LINGO1: variants seen among roughly 807,000 people sequenced by gnomAD.
LINGO1 encodes leucine rich repeat and Ig domain containing 1.
Under a neutral mutation model 37.3 loss-of-function variants are expected in LINGO1, and 11 were observed. The observed-to-expected ratio is 0.29, with a 90% CI of 0.19 to 0.49. The LOEUF is 0.49. Ranked by LOEUF, LINGO1 falls within the 20% of genes least tolerant of loss-of-function variation. The pLI is 0.99. For missense variants in LINGO1, 585 were observed against 878.2 expected (o/e 0.67, Z 4.22); for synonymous variants, 387 against 403.0 (o/e 0.96, Z 0.48).
rs59248409 is a variant in LINGO1, at chr15:77,749,898, G to A, written c.-256-14845C>T. Among the ~76,000 whole-genome samples the A allele has an allele frequency of 8.4e-3, 1,280 of 152,244 alleles. 22 individuals carry two copies. The highest frequency in any genetic ancestry group is 0.03 in the African/African-American group (1,231 of 41,522). On this transcript the variant is annotated intron_variant, in intron 1 of 3. Coordinates refer to the LINGO1 transcript ENST00000561686. ...CGGAACCGGACTTTCTGGACAAGCTGCCATGGGGCAGGCCGGCTCTCTCCA... is the reference window on the plus strand; with the variant it reads ...CGGAACCGGACTTTCTGGACAAGCTACCATGGGGCAGGCCGGCTCTCTCCA...
chr15:77,781,580 C>T (rs1023418750), intron 1 of LINGO1, among the ~76,000 whole-genome samples: 3 of 152,188 alleles, frequency 2.0e-5, no homozygotes, highest in African/African-American at 7.2e-5. Context: ...GTGGGAGGCC[C>T]CCCAGTCGCT....
chr15:77,660,685 C>G (rs1596064782), intron 3 of LINGO1, among the ~76,000 whole-genome samples: 1 of 152,346 alleles, frequency 6.6e-6, no homozygotes, highest in East Asian at 1.9e-4. Context: ...GGACTTCATA[C>G]ATGCACAGTG....
intron 2 of LINGO1, among the ~76,000 whole-genome samples, chr15:77,686,128 A>G (rs2075506405): frequency 6.6e-6 from 1 of 152,136 alleles, no homozygotes; most frequent in Non-Finnish European, 1.5e-5. Flanking sequence ...AAGGAGGCAG[A>G]AGATCCTCCT....
chr15:77,698,995 G>C (rs922065164), upstream of LINGO1, among the ~76,000 whole-genome samples: 36 of 152,112 alleles, frequency 2.4e-4, no homozygotes, highest in African/African-American at 8.2e-4. Context: ...AGAGAAGGAA[G>C]ACCTTCCTCA....
intron 1 of LINGO1, among the ~76,000 whole-genome samples, chr15:77,628,813 C>A (rs921196532): frequency 6.6e-6 from 1 of 152,192 alleles, no homozygotes; most frequent in Non-Finnish European, 1.5e-5. Flanking sequence ...GACTGAACCG[C>A]AGGCTTGCAA....
rs539859264 is a variant in LINGO1 at position 77,619,062 on chromosome 15, G to A, written c.7-3162C>T. Among the ~76,000 whole-genome samples, 45 of 152,336 alleles carry A rather than the reference G, an allele frequency of 3.0e-4. No homozygotes were observed. The South Asian group carries it at 3.7e-3, about 13-fold the overall frequency. ...ATGCCACCAAGTCCTGCCTAATGAC[G>A]AAAGGTGAGAGCTTCCTAGTGACCT... On this transcript the variant is annotated intron_variant, in intron 1 of 1. Transcript: ENST00000355300.
intron 2 of LINGO1, among the ~76,000 whole-genome samples, chr15:77,716,736 C>G (rs1313842229): frequency 6.7e-6 from 1 of 150,262 alleles, no homozygotes; most frequent in Non-Finnish European, 1.5e-5. Flanking sequence ...CCTCCACTAC[C>G]AAGTCTGTCC....
chr15:77,758,413 T>C (rs1420346974), intron 1 of LINGO1, among the ~76,000 whole-genome samples: 1 of 152,052 alleles, frequency 6.6e-6, no homozygotes, highest in Non-Finnish European at 1.5e-5. Flanking sequence ...TCACTTGACC[T>C]TTCTTGGGTA....
At chr15:77,770,316 G>A (rs921830084) in intron 1 of LINGO1, among the ~76,000 whole-genome samples, 1 of 152,142 alleles carries the variant, frequency 6.6e-6, no homozygotes, top group African/African-American at 2.4e-5. Flanking sequence ...GGCTGGGCGC[G>A]GTGGCTCAAG....
chr15:77,780,515 C>T (rs184379772), intron 1 of LINGO1, among the ~76,000 whole-genome samples: 236 of 151,634 alleles, frequency 1.6e-3, no homozygotes, highest in African/African-American at 5.5e-3. Flanking sequence ...GGAGACCTTG[C>T]GGAACATTAA....
chr15:77,625,663 T>C (rs2074066045), intron 1 of LINGO1, among the ~76,000 whole-genome samples: 1 of 152,190 alleles, frequency 6.6e-6, no homozygotes, highest in African/African-American at 2.4e-5. Flanking sequence ...CAAGAGGTGA[T>C]GCACCTTGCC....
At chr15:77,800,566 G>A (rs560210682) in intron 1 of LINGO1, among the ~76,000 whole-genome samples, 1 of 152,316 alleles carries the variant, frequency 6.6e-6, no homozygotes, top group East Asian at 1.9e-4. Flanking sequence ...ACACACAGCT[G>A]GGAAGGAGCC....
chr15:77,669,552 G>A (rs189434560), intron 3 of LINGO1, among the ~76,000 whole-genome samples: 79 of 152,302 alleles, frequency 5.2e-4, no homozygotes, highest in African/African-American at 1.7e-3. Context: ...CACTCCTTTT[G>A]TCCTAGAAAA....
At chr15:77,697,947 C>G (rs1452256102), upstream of LINGO1, among the ~76,000 whole-genome samples, 1 of 152,178 alleles carries the variant, frequency 6.6e-6, no homozygotes, top group Non-Finnish European at 1.5e-5. Flanking sequence ...GGATGGAGCT[C>G]TCATCCTAGG....
In LINGO1 at chr15:77,803,991, G is replaced by A. The variant is rs563795362; in HGVS notation, c.-457-7938C>T. Reference sequence around the variant, plus strand: ...AAGGCAGCAGGGTAGAGCAGAAAGGGTGTGGCCTGGGGGCTGGAACACCTA... The same window carrying A: ...AAGGCAGCAGGGTAGAGCAGAAAGGATGTGGCCTGGGGGCTGGAACACCTA... On this transcript the variant is annotated intron_variant, in intron 1 of 5. Transcript: ENST00000562933. Among the ~76,000 whole-genome samples, 32 of 152,316 alleles carry A rather than the reference G, an allele frequency of 2.1e-4. No homozygotes were observed. The South Asian group carries it at 3.5e-3, about 17-fold the overall frequency.
chr15:77,646,441 G>A, intron 3 of LINGO1: 1 of 456,030 alleles, frequency 2.2e-6, no homozygotes, highest in South Asian at 1.6e-5. Flanking sequence ...AAGGCGAGAA[G>A]AGGGAGGAGA....
intron 3 of LINGO1, among the ~76,000 whole-genome samples, chr15:77,643,942 C>T (rs768122777): frequency 6.6e-6 from 1 of 152,180 alleles, no homozygotes; most frequent in Non-Finnish European, 1.5e-5. Flanking sequence ...TGGCCAAGTC[C>T]CTCCCCGCTC....
chr15:77,693,300 G>A (rs1330325653), intron 1 of LINGO1, among the ~76,000 whole-genome samples: 1 of 152,206 alleles, frequency 6.6e-6, no homozygotes, highest in Non-Finnish European at 1.5e-5. Context: ...GGATACCGAT[G>A]ATAAGCAAAT....
At chr15:77,765,720 AG>A (rs1249293776) in intron 1 of LINGO1, among the ~76,000 whole-genome samples, 1 of 152,162 alleles carries the variant, frequency 6.6e-6, no homozygotes, top group Non-Finnish European at 1.5e-5. Flanking sequence ...CTGAAGGAGT[AG>A]TTGAGTTTGT....
Sources: allele counts gnomAD v4.1 joint callset (sites outside exome capture counted in the v4.1 genomes callset), GRCh38; gene constraint gnomAD v4.1.1; transcripts MANE v1.5; gene names NCBI Gene and HGNC (gene_info 2026-07-23, HGNC 2026-07-21).